Variants in GRID2 observed in about 807,000 individuals in gnomAD.
The protein encoded by GRID2 is glutamate ionotropic receptor delta type subunit 2.
GRID2 carries 33 observed loss-of-function variants against 114.8 expected under a neutral mutation model. The ratio of observed to expected loss-of-function variants is 0.29; its 90% CI spans 0.22 to 0.38. The LOEUF (loss-of-function observed/expected upper bound fraction) is 0.38. GRID2 is among the 10% of genes least tolerant of loss of function. The probability of loss-of-function intolerance (pLI) is 1.00; values close to 1 mark genes in which losing one functional copy is unlikely to be tolerated. For missense variants in GRID2, 1,184 were observed against 1,257.7 expected (o/e 0.94, Z 0.89); for synonymous variants, 505 against 449.9 (o/e 1.12, Z -1.55).
intron 1 of GRID2, among the ~76,000 whole-genome samples, chr4:92,407,472 G>A (rs755959935): frequency 2.0e-5 from 3 of 152,040 alleles, no homozygotes; most frequent in Non-Finnish European, 4.4e-5. Context: ...TGTGTCACAT[G>A]GTAGTTATTT....
At chr4:93,105,010 T>G (rs992761673) in intron 3 of GRID2, among the ~76,000 whole-genome samples, 67 of 152,074 alleles carry the variant, frequency 4.4e-4, no homozygotes, top group Non-Finnish European at 6.8e-4. Context: ...CTAACTGGTG[T>G]GAGATGGTAT....
intron 14 of GRID2, among the ~76,000 whole-genome samples, chr4:93,720,520 C>T (rs150850751): frequency 6.6e-6 from 1 of 152,280 alleles, no homozygotes; most frequent in Non-Finnish European, 1.5e-5. Context: ...TGGTCACAGA[C>T]ACCTGCTGGG....
intron 8 of GRID2, among the ~76,000 whole-genome samples, chr4:93,335,817 G>A (rs551453616): frequency 1.3e-5 from 2 of 151,778 alleles, no homozygotes; most frequent in Admixed American, 6.6e-5. Context: ...TCTCACCTCA[G>A]CCTCCTGAAT....
chr4:92,314,878 T>C (rs953742860), intron 1 of GRID2, among the ~76,000 whole-genome samples: 1 of 152,154 alleles, frequency 6.6e-6, no homozygotes, highest in Non-Finnish European at 1.5e-5. Flanking sequence ...AGTTTATCAT[T>C]GCAGCATAGA....
chr4:93,224,398 A>G (rs1745243106), intron 6 of GRID2, among the ~76,000 whole-genome samples: 1 of 152,156 alleles, frequency 6.6e-6, no homozygotes, highest in Non-Finnish European at 1.5e-5. Context: ...TCACACCTAA[A>G]TAAGCTGAAA....
chr4:93,226,416 A>G (rs1237190458), intron 7 of GRID2, among the ~76,000 whole-genome samples: 1 of 152,204 alleles, frequency 6.6e-6, no homozygotes, highest in African/African-American at 2.4e-5. Flanking sequence ...GAAAAGAACA[A>G]TAACTGGTCC....
intron 2 of GRID2, among the ~76,000 whole-genome samples, chr4:93,050,630 A>C (rs1397723980): frequency 6.6e-6 from 1 of 151,820 alleles, no homozygotes; most frequent in Non-Finnish European, 1.5e-5. Flanking sequence ...TTTTCCCCAA[A>C]CTAAATTGTT....
chr4:92,904,575 G>A (rs183361931), intron 2 of GRID2, among the ~76,000 whole-genome samples: 2 of 151,736 alleles, frequency 1.3e-5, no homozygotes, highest in East Asian at 1.9e-4. Context: ...ATATAAAGTC[G>A]ATGTAAAAGT....
intron 10 of GRID2, among the ~76,000 whole-genome samples, chr4:93,426,406 C>T (rs1359758064): frequency 6.6e-6 from 1 of 152,080 alleles, no homozygotes; most frequent in Admixed American, 6.6e-5. Context: ...AAAGAAAAGG[C>T]ATTATACAAA....
rs1311192316 is a variant in GRID2 at position 92,712,146 on chromosome 4, A to C, written c.244+121860A>C. On this transcript the variant is annotated intron_variant, in intron 2 of 15. Transcript: ENST00000282020. ...CATAAAGTATATAAGAGTTTCTCTGAGTAAATTGTATTTTACAAAATTCCT... is the reference window on the plus strand; with the variant it reads ...CATAAAGTATATAAGAGTTTCTCTGCGTAAATTGTATTTTACAAAATTCCT... Among the ~76,000 whole-genome samples, 9 of 152,306 alleles carry C rather than the reference A, an allele frequency of 5.9e-5. No individual in the cohort carries two copies. In the East Asian group the frequency reaches 1.3e-3, roughly 23 times the overall value.
chr4:93,234,933 A>C (rs1746595492), intron 7 of GRID2, among the ~76,000 whole-genome samples: 1 of 152,088 alleles, frequency 6.6e-6, no homozygotes, highest in Admixed American at 6.6e-5. Context: ...CGAGTATGAT[A>C]AATATTTGAT....
At chr4:92,745,162 C>T (rs1737087520) in intron 2 of GRID2, among the ~76,000 whole-genome samples, 1 of 152,142 alleles carries the variant, frequency 6.6e-6, no homozygotes, top group Admixed American at 6.5e-5. Flanking sequence ...TCTGACAGCA[C>T]AGATATATTA....
At chr4:92,642,575 G>A (rs772995082) in intron 2 of GRID2, among the ~76,000 whole-genome samples, 6 of 151,792 alleles carry the variant, frequency 4.0e-5, no homozygotes, top group South Asian at 2.1e-4. Context: ...CTCTTGTTCC[G>A]TAGGTTGTCT....
intron 1 of GRID2, among the ~76,000 whole-genome samples, chr4:92,435,981 C>G (rs1732717501): frequency 6.6e-6 from 1 of 152,014 alleles, no homozygotes; most frequent in Non-Finnish European, 1.5e-5. Context: ...GTTTTAGAGA[C>G]TGGAATTGGT....
chr4:93,348,671 A>T (rs1475297283), intron 8 of GRID2, among the ~76,000 whole-genome samples: 1 of 152,114 alleles, frequency 6.6e-6, no homozygotes, highest in Admixed American at 6.6e-5. Flanking sequence ...GCACTCATAG[A>T]CTGCTTCCCA....
chr4:92,709,583 A>T (rs1437069515), intron 2 of GRID2, among the ~76,000 whole-genome samples: 2 of 127,890 alleles, frequency 1.6e-5, no homozygotes, highest in African/African-American at 6.3e-5. Flanking sequence ...AAAAAAAAAA[A>T]AAAAAAATAT....
At chr4:93,316,453 C>T (rs144815231) in intron 8 of GRID2, among the ~76,000 whole-genome samples, 164 of 152,056 alleles carry the variant, frequency 1.1e-3, no homozygotes, top group Non-Finnish European at 1.0e-3. Context: ...TTGTTGTCAT[C>T]AGTGTATTAG....
chr4:93,046,671 C>A (rs2149275473), intron 2 of GRID2, among the ~76,000 whole-genome samples: 1 of 151,986 alleles, frequency 6.6e-6, no homozygotes, highest in African/African-American at 2.4e-5. Flanking sequence ...CCCCATCTTG[C>A]CAACTCTACC....
rs61625893 is a variant in GRID2, at chr4:93,653,813, G to A, written c.2360+27378G>A. On this transcript the variant is annotated intron_variant, in intron 14 of 15. Transcript: ENST00000282020. ...CTGCTGGAAAGTATACATAGTCAGC[G>A]TGTCTGATTTTCTTAGGAGCTCTAC... is the stretch of plus-strand genomic sequence containing the variant. 6.4e-3 allele frequency among the ~76,000 whole-genome samples: 967 copies of A among 152,194 alleles called. 14 individuals are homozygous for A. Among genetic ancestry groups the A allele is most frequent in the African/African-American group, 0.022 (894 of 41,516 alleles).
Sources: allele counts gnomAD v4.1 joint callset (sites outside exome capture counted in the v4.1 genomes callset), GRCh38; gene constraint gnomAD v4.1.1; transcripts MANE v1.5; gene names NCBI Gene and HGNC (gene_info 2026-07-23, HGNC 2026-07-21).